Variants in PRKN observed in about 807,000 individuals in gnomAD.
PRKN encodes parkin RBR E3 ubiquitin protein ligase, also known as E3 ubiquitin-protein ligase parkin.
Under a neutral mutation model 59.5 loss-of-function variants are expected in PRKN, and 56 were observed. The ratio of observed to expected loss-of-function variants is 0.94; its 90% CI spans 0.76 to 1.18. The LOEUF (loss-of-function observed/expected upper bound fraction) is 1.18. Among genes scored for constraint, PRKN ranks in the 50% most tolerant of loss-of-function variants. PRKN has a pLI of 0.00. For synonymous variants in PRKN, 250 were observed against 222.1 expected, an observed-to-expected ratio of 1.13 and a Z score of -1.12; for missense variants, 657 against 596.4, an observed-to-expected ratio of 1.10 and a Z score of -1.06.
intron 2 of PRKN, among the ~76,000 whole-genome samples, chr6:162,317,379 C>A (rs1183080100): frequency 1.3e-5 from 2 of 152,058 alleles, no homozygotes; most frequent in African/African-American, 2.4e-5. Flanking sequence ...TAAGACCTGG[C>A]CTTGCTCCTC....
At chr6:162,076,411 T>C (rs113001387) in intron 4 of PRKN, among the ~76,000 whole-genome samples, 30 of 152,190 alleles carry the variant, frequency 2.0e-4, no homozygotes, top group African/African-American at 5.8e-4. Flanking sequence ...ACACATTGTA[T>C]AGATGTTCTA....
intron 2 of PRKN, among the ~76,000 whole-genome samples, chr6:162,350,001 T>C (rs2128130751): frequency 6.6e-6 from 1 of 152,288 alleles, no homozygotes; most frequent in Middle Eastern, 3.4e-3. Context: ...TTTAGCCAAG[T>C]TGGAAGAGAA....
At chr6:161,604,941 G>C (rs1201008671) in intron 7 of PRKN, among the ~76,000 whole-genome samples, 1 of 152,040 alleles carries the variant, frequency 6.6e-6, no homozygotes, top group African/African-American at 2.4e-5. Flanking sequence ...CCCCAAAAAA[G>C]AGAGAAATCT....
chr6:161,752,162 G>A (rs184512529), intron 7 of PRKN, among the ~76,000 whole-genome samples: 1 of 152,220 alleles, frequency 6.6e-6, no homozygotes, highest in African/African-American at 2.4e-5. Flanking sequence ...ACGAGGTCAA[G>A]AGATCGAGAC....
At position 161,371,101 on chromosome 6, in the gene PRKN, T is replaced by A. The variant is rs1047461634; in HGVS notation, c.1168-10896A>T. ...GTCACCAAAACATGTTTTGTTGTTC[T>A]CACATTGTCTTATGACTATCTCTTT... On this transcript the variant is annotated intron_variant, in intron 10 of 11. Transcript: ENST00000366898. The surrounding 1 kb of genome is among the most constrained non-coding windows in gnomAD (Gnocchi z 5.5). Among the ~76,000 whole-genome samples the A allele has an allele frequency of 6.6e-5, 10 of 152,230 alleles. No homozygotes were observed. The highest frequency in any genetic ancestry group is 1.3e-4 in the Admixed American group (2 of 15,274).
rs188914480 is a variant in PRKN at position 162,209,900 on chromosome 6, T to C, written c.413-8648A>G. On this transcript the variant is annotated intron_variant, in intron 3 of 11. Transcript: ENST00000366898. The stretch of plus-strand genomic sequence containing the variant: ...CATGTTCTCACTCATAGGTGGGAAT[T>C]GAACAATGAGAACACTTGGATGCAG... Among the ~76,000 whole-genome samples, 488 of 150,554 alleles carry C rather than the reference T, an allele frequency of 3.2e-3. 2 individuals carry two copies. Among genetic ancestry groups the C allele is most frequent in the African/African-American group, 0.012 (476 of 40,796 alleles).
At chr6:161,670,495 T>A (rs998479415) in intron 7 of PRKN, among the ~76,000 whole-genome samples, 2 of 152,146 alleles carry the variant, frequency 1.3e-5, no homozygotes, top group African/African-American at 4.8e-5. Flanking sequence ...CCTCTCTGTG[T>A]CTTTGTGTCC....
intron 7 of PRKN, among the ~76,000 whole-genome samples, chr6:161,688,046 C>T (rs539669461): frequency 3.9e-5 from 6 of 152,170 alleles, no homozygotes; most frequent in African/African-American, 7.2e-5. Flanking sequence ...CTTTCAACCT[C>T]CCCCGCAATT....
At chr6:161,596,969 G>A in intron 7 of PRKN, among the ~76,000 whole-genome samples, 1 of 152,196 alleles carries the variant, frequency 6.6e-6, no homozygotes, top group East Asian at 1.9e-4. Flanking sequence ...GACTGTATTA[G>A]GAGTGTTCAT....
intron 7 of PRKN, among the ~76,000 whole-genome samples, chr6:161,698,366 C>G (rs923036880): frequency 3.3e-5 from 5 of 152,016 alleles, no homozygotes; most frequent in African/African-American, 1.2e-4. Context: ...AATTATTCAT[C>G]CATTGAAACA....
intron 7 of PRKN, among the ~76,000 whole-genome samples, chr6:161,708,394 T>C (rs1378003321): frequency 1.3e-5 from 2 of 151,888 alleles, no homozygotes; most frequent in African/African-American, 2.4e-5. Context: ...TCTTTCTCTT[T>C]GCATTTTACC....
intron 6 of PRKN, among the ~76,000 whole-genome samples, chr6:161,937,873 T>C (rs1437562031): frequency 2.0e-5 from 3 of 152,228 alleles, no homozygotes; most frequent in Non-Finnish European, 4.4e-5. Context: ...GACTCCACTT[T>C]TCTACAATCA....
intron 8 of PRKN, among the ~76,000 whole-genome samples, chr6:161,567,507 A>G (rs9458306): frequency 0.34 from 51,671 of 151,994 alleles, 10,127 homozygotes; most frequent in East Asian, 0.71. Context: ...TATAGCACAT[A>G]GTAGGTACTC....
chr6:162,708,823 G>A (rs1351499660), intron 1 of PRKN, among the ~76,000 whole-genome samples: 2 of 152,156 alleles, frequency 1.3e-5, no homozygotes, highest in African/African-American at 4.8e-5. Flanking sequence ...GGGCCCCCAA[G>A]CCGCAGGCCA....
chr6:161,558,127 C>T (rs985450001), intron 8 of PRKN, among the ~76,000 whole-genome samples: 4 of 152,140 alleles, frequency 2.6e-5, no homozygotes, highest in South Asian at 4.1e-4. Context: ...GATGTGGCCT[C>T]GGAGCCACAA....
chr6:161,769,967 C>A lies in PRKN; in HGVS notation c.871+15805G>T, dbSNP rs558023696. ...ACGCCTCAGGTCCTGACAATCCATCCTGGGAGAGCCAGGGACTGAGACATG... is the reference window on the plus strand; with the variant it reads ...ACGCCTCAGGTCCTGACAATCCATCATGGGAGAGCCAGGGACTGAGACATG... On this transcript the variant is annotated intron_variant, in intron 7 of 11. Transcript: ENST00000366898. 1.7e-3 allele frequency among the ~76,000 whole-genome samples: 255 copies of A among 152,272 alleles called. 2 individuals are homozygous for A. The highest frequency in any genetic ancestry group is 3.0e-3 in the Non-Finnish European group (207 of 68,020).
At chr6:162,555,635 CAA>C (rs36086989) in intron 1 of PRKN, among the ~76,000 whole-genome samples, 1 of 150,234 alleles carries the variant, frequency 6.7e-6, no homozygotes, top group African/African-American at 2.5e-5. Context: ...GAAAAAAATA[CAA>C]AAAAAAAATT....
At chr6:161,925,315 T>C (rs1196119293) in intron 6 of PRKN, among the ~76,000 whole-genome samples, 1 of 152,196 alleles carries the variant, frequency 6.6e-6, no homozygotes, top group East Asian at 1.9e-4. Flanking sequence ...TTCAGGTGTG[T>C]AATCCCAGCA....
chr6:162,422,560 G>A (rs1422226990), intron 2 of PRKN, among the ~76,000 whole-genome samples: 1 of 152,132 alleles, frequency 6.6e-6, no homozygotes, highest in Non-Finnish European at 1.5e-5. Flanking sequence ...ATGACTTTGG[G>A]TCACAGAGTT....
Sources: gnomAD v4.1 joint callset for allele counts (sites outside exome capture counted in the v4.1 genomes callset) on GRCh38, gnomAD v4.1.1 for gene constraint, Gnocchi (gnomAD v3.1) non-coding constraint, MANE v1.5 for transcripts, NCBI Gene and HGNC (gene_info 2026-07-23, HGNC 2026-07-21) for gene names.